The following LRBA variants were observed in gnomAD, a reference collection of about 807,000 sequenced individuals.
LRBA encodes LPS responsive beige-like anchor protein.
Under a neutral mutation model 330.0 loss-of-function variants are expected in LRBA, and 176 were observed. That is an observed-to-expected ratio of 0.53 (90% CI 0.47 to 0.60). LRBA has a LOEUF of 0.60. Ranked by LOEUF, LRBA falls within the 20% of genes least tolerant of loss-of-function variation. The probability of loss-of-function intolerance (pLI) is 0.00; values close to 1 mark genes in which losing one functional copy is unlikely to be tolerated. For missense variants in LRBA, 3,259 were observed against 3,444.8 expected (o/e 0.95, Z 1.35); for synonymous variants, 1,230 against 1,193.0 (o/e 1.03, Z -0.64).
chr4:150,535,001 T>A (rs987115278), intron 40 of LRBA, among the ~76,000 whole-genome samples: 9 of 152,238 alleles, frequency 5.9e-5, no homozygotes, highest in African/African-American at 2.2e-4. Context: ...TAATTAATGT[T>A]AAACAGCAAT....
intron 2 of LRBA, among the ~76,000 whole-genome samples, chr4:150,943,678 T>C (rs986918352): frequency 1.3e-5 from 2 of 152,206 alleles, no homozygotes; most frequent in African/African-American, 2.4e-5. Flanking sequence ...TTATGACTTA[T>C]TGAAGTTAGT....
chr4:150,689,138 A>C (rs1160431442), intron 36 of LRBA, among the ~76,000 whole-genome samples: 1 of 152,218 alleles, frequency 6.6e-6, no homozygotes, highest in Admixed American at 6.5e-5. Context: ...CATAAAAAAG[A>C]ATGAGTTCAT....
intron 47 of LRBA, among the ~76,000 whole-genome samples, chr4:150,364,388 G>A (rs1406423698): frequency 3.9e-5 from 6 of 152,188 alleles, no homozygotes; most frequent in Admixed American, 1.3e-4. Context: ...TTTTACAAAT[G>A]AAGCTAAGAA....
chr4:150,404,367 TGAGAA>T (rs1326706314), intron 47 of LRBA, among the ~76,000 whole-genome samples: 1 of 152,222 alleles, frequency 6.6e-6, no homozygotes, highest in African/African-American at 2.4e-5. Context: ...ATGAGAGTTC[TGAGAA>T]GAGTATTTGT....
intron 35 of LRBA, among the ~76,000 whole-genome samples, chr4:150,757,880 T>C (rs901342355): frequency 2.0e-5 from 3 of 152,186 alleles, no homozygotes; most frequent in Non-Finnish European, 2.9e-5. Flanking sequence ...GAGTGTTCTC[T>C]ATAGGCTAAG....
intron 17 of LRBA, among the ~76,000 whole-genome samples, chr4:150,892,536 C>A (rs1729579539): frequency 6.6e-6 from 1 of 152,212 alleles, no homozygotes; most frequent in African/African-American, 2.4e-5. Flanking sequence ...ACCAACCCGA[C>A]TGGCATCTTG....
chr4:150,421,461 C>A (rs1223293391), intron 46 of LRBA, among the ~76,000 whole-genome samples: 2 of 151,066 alleles, frequency 1.3e-5, no homozygotes, highest in South Asian at 4.2e-4. Flanking sequence ...CATAAGAACA[C>A]CTCTTAATTA....
chr4:150,538,035 T>C (rs1764870753), intron 40 of LRBA, among the ~76,000 whole-genome samples: 1 of 152,032 alleles, frequency 6.6e-6, no homozygotes, highest in Non-Finnish European at 1.5e-5. Flanking sequence ...TATTAAAAAG[T>C]GCTCAACATC....
chr4:150,968,144 C>T (rs1426411454), intron 2 of LRBA, among the ~76,000 whole-genome samples: 1 of 151,612 alleles, frequency 6.6e-6, no homozygotes, highest in African/African-American at 2.4e-5. Flanking sequence ...AGCTGGGATT[C>T]CAGGCATCTG....
chr4:150,840,179 T>C (rs937164281), intron 28 of LRBA, among the ~76,000 whole-genome samples: 2 of 152,242 alleles, frequency 1.3e-5, no homozygotes, highest in Admixed American at 6.5e-5. Context: ...ACTAAAACTT[T>C]CTTCAAATCA....
At chr4:150,438,198 A>G (rs1269337227) in intron 44 of LRBA, among the ~76,000 whole-genome samples, 1 of 152,218 alleles carries the variant, frequency 6.6e-6, no homozygotes, top group Non-Finnish European at 1.5e-5. Context: ...CATAAGATAC[A>G]GAGGCCAGGT....
rs1389005545 is a variant in LRBA, at chr4:150,508,677, A to G, written c.6331-17642T>C. Reference sequence around the variant, plus strand: ...TTTCATCAAGAGGCTTTATTTAACTATCCTAATTGTTTATGATCTGAATAA... The same window carrying G: ...TTTCATCAAGAGGCTTTATTTAACTGTCCTAATTGTTTATGATCTGAATAA... On this transcript the variant is annotated intron_variant, in intron 40 of 56. Coordinates refer to ENST00000651943, the MANE Select transcript of LRBA (RefSeq NM_001364905.1). 8.5e-5 allele frequency among the ~76,000 whole-genome samples: 13 copies of G among 152,374 alleles called. No individual in the cohort carries two copies. The East Asian group carries it at 2.5e-3, about 29-fold the overall frequency.
intron 4 of LRBA, among the ~76,000 whole-genome samples, chr4:150,927,092 A>C (rs1429856214): frequency 6.6e-6 from 1 of 151,102 alleles, no homozygotes; most frequent in East Asian, 1.9e-4. Context: ...AAAAAAAAAA[A>C]GGCCAGGCGC....
At chr4:150,673,971 C>T (rs1010155775) in intron 37 of LRBA, among the ~76,000 whole-genome samples, 3 of 152,136 alleles carry the variant, frequency 2.0e-5, no homozygotes, top group Non-Finnish European at 4.4e-5. Context: ...GGTTCCACTT[C>T]CCTTTTATTA....
In LRBA at chr4:150,285,983, G is replaced by A. The variant is rs777999986; in HGVS notation, c.8069C>T (p.Thr2690Ile). ...AILTGHDYEV[T>I]CAAVCAELGL... ...TAGCTCCGCACACACCGCAGCACAT[G>A]TGACCTCATAGTCATGGCCGGTCAA... Residue 2690 changes from threonine (T) to isoleucine (I), a missense_variant, in exon 54 of 57, where the codon ACA becomes ATA. Physicochemically the swap from Thr to Ile is moderately conservative, Grantham distance 89. Coordinates refer to ENST00000651943, the MANE Select transcript of LRBA (RefSeq NM_001364905.1). 19 of 1,598,562 alleles carry A rather than the reference G, an allele frequency of 1.2e-5. No homozygotes were observed. In the South Asian group the frequency reaches 1.9e-4, roughly 16 times the overall value.
At chr4:150,616,058 C>A (rs1775743804) in intron 37 of LRBA, among the ~76,000 whole-genome samples, 1 of 152,166 alleles carries the variant, frequency 6.6e-6, no homozygotes, top group South Asian at 2.1e-4. Flanking sequence ...CGGACACTGA[C>A]TGAGATTTGG....
chr4:150,672,048 T>C (rs4696629), intron 37 of LRBA, among the ~76,000 whole-genome samples: 122,525 of 152,144 alleles, frequency 0.81, 52,704 homozygotes, highest in Non-Finnish European at 0.95. Context: ...CTAACATCAA[T>C]TTCTAGGAAT....
At chr4:150,319,826 A>C (rs1732241881) in intron 50 of LRBA, among the ~76,000 whole-genome samples, 1 of 152,114 alleles carries the variant, frequency 6.6e-6, no homozygotes, top group African/African-American at 2.4e-5. Flanking sequence ...TTTGAATGTC[A>C]ATTCTGTTCC....
intron 30 of LRBA, among the ~76,000 whole-genome samples, 172 bp from the exon 31 acceptor site, chr4:150,817,429 T>C (rs1744767012): frequency 6.6e-6 from 1 of 152,060 alleles, no homozygotes; most frequent in Non-Finnish European, 1.5e-5. Context: ...TTCAATACTG[T>C]CCATATTTAT....
Sources: allele counts gnomAD v4.1 joint callset (sites outside exome capture counted in the v4.1 genomes callset), GRCh38; gene constraint gnomAD v4.1.1; transcripts MANE v1.5; gene names NCBI Gene and HGNC (gene_info 2026-07-23, HGNC 2026-07-21).